Variants in LTBP4 observed in about 807,000 individuals in gnomAD.
The protein encoded by LTBP4 is latent-transforming growth factor beta-binding protein 4.
LTBP4 carries 93 observed loss-of-function variants against 180.2 expected under a neutral mutation model. The ratio of observed to expected loss-of-function variants is 0.52; its 90% CI spans 0.44 to 0.61. LTBP4 has a LOEUF of 0.61. Among genes scored for constraint, LTBP4 ranks in the 20% least tolerant of loss-of-function variants. The pLI, the probability that LTBP4 is intolerant of heterozygous loss-of-function variation, is 0.00. For synonymous variants in LTBP4, 947 were observed against 934.5 expected (o/e 1.01, Z -0.24); for missense variants, 2,116 against 2,256.5 (o/e 0.94, Z 1.26).
intron 11 of LTBP4, 71 bp from the exon 12 acceptor site, chr19:40,610,460 AC>A: frequency 6.6e-7 from 1 of 1,514,454 alleles, no homozygotes; most frequent in Non-Finnish European, 8.9e-7. Flanking sequence ...GCTTCCCTCT[AC>A]CCCTGCCTCC....
In LTBP4 at chr19:40,615,196, G is replaced by T. The variant is rs868475452; in HGVS notation, c.2812+750G>T. On this transcript the variant is annotated intron_variant, in intron 19 of 29. Coordinates refer to ENST00000396819, the MANE Select transcript of LTBP4 (RefSeq NM_001042545.2). ...AGTATATATTTTTTTGTGTCGGCGGGGGGGGGGGGGCGGTGATGGTGTGTG... is the reference window on the plus strand; with the variant it reads ...AGTATATATTTTTTTGTGTCGGCGGTGGGGGGGGGGCGGTGATGGTGTGTG... 1.0e-4 allele frequency: 15 copies of T among 146,524 alleles called. 1 individual carries two copies. The highest frequency in any genetic ancestry group is 2.3e-4 in the South Asian group (1 of 4,346). 9.1% of individuals were successfully genotyped at this position (146,524 alleles called of 1,614,324 possible).
Position 40,629,359 on chromosome 19 carries a change from C to A in LTBP4, c.4520-37C>A. The stretch of plus-strand genomic sequence containing the variant: ...GCCAAGGAGGCGAGCTTCTGGGGCC[C>A]CAGCCTTCAGCAGCGATCGTTGTCT... On this transcript the variant is annotated intron_variant, in intron 29 of 29. Transcript: ENST00000396819. The surrounding 1 kb of genome is among the most constrained non-coding windows in gnomAD (Gnocchi z 4.5). 2 of 1,611,146 alleles carry A rather than the reference C, an allele frequency of 1.2e-6. No individual in the cohort carries two copies. The highest frequency in any genetic ancestry group is 1.7e-6 in the Non-Finnish European group (2 of 1,178,598).
upstream of LTBP4, chr19:40,599,197 C>G: frequency 6.2e-7 from 1 of 1,607,526 alleles, no homozygotes; most frequent in Non-Finnish European, 8.5e-7. Context: ...CTATTTATAG[C>G]GTTGCTGTTT....
chr19:40,626,714 A>G (rs1439755636), intron 27 of LTBP4, among the ~76,000 whole-genome samples: 10 of 152,088 alleles, frequency 6.6e-5, no homozygotes, highest in Non-Finnish European at 1.5e-4. Context: ...TAATTTCTTC[A>G]GGTCCCTAGT....
upstream of LTBP4, chr19:40,599,129 C>T: frequency 1.4e-6 from 2 of 1,453,014 alleles, no homozygotes; most frequent in Non-Finnish European, 1.9e-6. Flanking sequence ...TTCCCCTCCC[C>T]GATTGCCCTC....
At chr19:40,612,261 C>T in intron 15 of LTBP4, 69 bp downstream of exon 15, 1 of 1,507,686 alleles carries the variant, frequency 6.6e-7, no homozygotes. Flanking sequence ...CAGATCACAA[C>T]TATGACCTGG....
At chr19:40,624,151 C>T in intron 26 of LTBP4, 69 bp downstream of exon 26, 5 of 1,446,764 alleles carry the variant, frequency 3.5e-6, no homozygotes, top group Non-Finnish European at 4.6e-6. Flanking sequence ...CCGGGCCACA[C>T]CTTTGCGACG....
chr19:40,612,028 G>T (rs764694445), intron 14 of LTBP4, 44 bp downstream of exon 14: 2 of 1,612,394 alleles, frequency 1.2e-6, no homozygotes, highest in South Asian at 1.1e-5. Flanking sequence ...GGTGAGGGGG[G>T]AGTTGGACCA....
intron 24 of LTBP4, 48 bp downstream of exon 24, chr19:40,623,069 C>T: frequency 6.9e-7 from 1 of 1,441,156 alleles, no homozygotes; most frequent in Non-Finnish European, 9.4e-7. Flanking sequence ...TGAGGCCCAG[C>T]TTCGTCTCTT....
At chr19:40,614,237 G>T in intron 18 of LTBP4, 78 bp from the exon 19 acceptor site, 1 of 1,537,962 alleles carries the variant, frequency 6.5e-7, no homozygotes, top group South Asian at 1.2e-5. Context: ...TCCCCCTTCT[G>T]ACTCTCCTCT....
Position 40,613,057 on chromosome 19 carries a change from C to A in LTBP4, c.2300-8C>A. On this transcript the variant is annotated splice_region_variant and splice_polypyrimidine_tract_variant and intron_variant, in intron 15 of 29. Transcript: ENST00000396819. The surrounding 1 kb of genome is among the most constrained non-coding windows in gnomAD (Gnocchi z 5.0). ...TGGACCCTTTCTGAACACCCCCACC[C>A]CCCACAGATGTGGACGAATGCAGTT... The A allele has an allele frequency of 1.9e-6, 3 of 1,611,430 alleles. No homozygotes were observed. Among genetic ancestry groups the A allele is most frequent in the Non-Finnish European group, 2.5e-6 (3 of 1,178,734 alleles).
In LTBP4 at chr19:40,616,066, G is replaced by C. The variant is rs59011555; in HGVS notation, c.2813-823G>C. 4.3e-3 allele frequency among the ~76,000 whole-genome samples: 660 copies of C among 152,264 alleles called. 6 individuals carry two copies. The highest frequency in any genetic ancestry group is 0.015 in the African/African-American group (622 of 41,538). On this transcript the variant is annotated intron_variant, in intron 19 of 29. Transcript: ENST00000396819. ...AGCTGAGGGGAGACTGTTCCTGGCA[G>C]AGGGAAGAGCCAGTGCAAAGGCTCT...
chr19:40,595,882 C>T (rs1048276998), intron 1 of LTBP4, among the ~76,000 whole-genome samples: 2 of 149,416 alleles, frequency 1.3e-5, no homozygotes, highest in African/African-American at 4.9e-5. Context: ...TGGCTCATGC[C>T]ACCATACCCG....
intron 4 of LTBP4, 121 bp from the exon 5 acceptor site, chr19:40,606,112 T>A: frequency 1.0e-6 from 1 of 965,178 alleles, no homozygotes; most frequent in Non-Finnish European, 1.6e-6. Flanking sequence ...AACCTAAGGC[T>A]GTCCCTGCAC....
rs2081664275 is a variant in LTBP4 at position 40,629,633 on chromosome 19, G to T, written c.*83G>T. On this transcript the variant is annotated 3_prime_UTR_variant, in exon 30 of 30. Coordinates refer to ENST00000396819, the MANE Select transcript of LTBP4 (RefSeq NM_001042545.2). The surrounding 1 kb of genome is among the most constrained non-coding windows in gnomAD (Gnocchi z 4.5). ...TCCTGCAGCCCGCTTATGCGTATGT[G>T]CACGGGGCCGCCCGCCTGGACCTGG... 7.9e-7 allele frequency: 1 copy of T among 1,266,508 alleles called. No homozygotes were observed. Among genetic ancestry groups the T allele is most frequent in the East Asian group, 3.5e-5 (1 of 28,804 alleles). The allele number at this position is 1,266,508 out of a possible 1,614,324, so 78.5% of individuals were successfully genotyped here. A position where few individuals can be genotyped will look rare whatever the true frequency, so the allele number is the denominator to read the frequency against.
Position 40,605,350 on chromosome 19 carries a change from C to A in LTBP4, c.443-55C>A. 6.2e-7 allele frequency: 1 copy of A among 1,603,796 alleles called. No homozygotes were observed. The highest frequency in any genetic ancestry group is 8.5e-7 in the Non-Finnish European group (1 of 1,174,502). On this transcript the variant is annotated intron_variant, in intron 2 of 29. Coordinates refer to ENST00000396819, the MANE Select transcript of LTBP4 (RefSeq NM_001042545.2). The surrounding 1 kb of genome is among the most constrained non-coding windows in gnomAD (Gnocchi z 5.5). ...GCTCGCCCTCCCCGCCTTGTCTAGC[C>A]CCACCCCGTAAGAACCCGTGTAGAC...
Position 40,624,081 on chromosome 19 carries a change from C to A in LTBP4, c.3831C>A (p.Leu1277=). ...RRCVSNESQS[L]DDNLGVCWQE... is the part of the protein sequence containing the mutation. Reference sequence around the variant, plus strand: ...GCGTCTCCAACGAGAGCCAGAGCCTCGGTAACCCCGCCCACGCCATCCAGG... The same window carrying A: ...GCGTCTCCAACGAGAGCCAGAGCCTAGGTAACCCCGCCCACGCCATCCAGG... The change falls in exon 26 of 30, where the codon CTC becomes CTA. Residue 1277 remains leucine, a splice_region_variant and synonymous_variant. Coordinates refer to ENST00000396819, the MANE Select transcript of LTBP4 (RefSeq NM_001042545.2). 1 of 1,550,694 alleles carries A rather than the reference C, an allele frequency of 6.4e-7. No homozygotes were observed. Among genetic ancestry groups the A allele is most frequent in the East Asian group, 2.4e-5 (1 of 42,244 alleles).
chr19:40,600,297 C>T, upstream of LTBP4: 1 of 434,354 alleles, frequency 2.3e-6, no homozygotes, highest in East Asian at 3.6e-5. This position sits in a 1 kb window ranked among gnomAD's most constrained non-coding sequence, Gnocchi z 4.4. Flanking sequence ...AGCACCCACC[C>T]CCAGGACGAG....
rs374648326 is a variant in LTBP4, at chr19:40,605,085, C to A, written c.301C>A (p.Arg101Ser). Residue 101 changes from arginine to serine, a missense_variant, in exon 2 of 30, where the codon CGC becomes AGC. By Grantham distance (110) the Arg-to-Ser change is moderately radical (BLOSUM62 -1). Transcript: ENST00000396819. The surrounding 1 kb of genome is among the most constrained non-coding windows in gnomAD (Gnocchi z 5.5). ...HNGGVCVKPDRCLCPPDFAGK... is the reference protein window; with the variant it reads ...HNGGVCVKPDSCLCPPDFAGK... ...TGGCGGTGTGTGCGTGAAGCCTGACCGCTGCCTCTGTCCCCCGGACTTCGC... is the reference window on the plus strand; with the variant it reads ...TGGCGGTGTGTGCGTGAAGCCTGACAGCTGCCTCTGTCCCCCGGACTTCGC... 6.2e-6 allele frequency: 10 copies of A among 1,613,744 alleles called. No individual in the cohort carries two copies. In the East Asian group the frequency reaches 6.7e-5, roughly 11 times the overall value.
Sources: gnomAD v4.1 joint callset for allele counts (sites outside exome capture counted in the v4.1 genomes callset) on GRCh38, gnomAD v4.1.1 for gene constraint, Gnocchi (gnomAD v3.1) non-coding constraint, MANE v1.5 for transcripts, NCBI Gene and HGNC (gene_info 2026-07-23, HGNC 2026-07-21) for gene names.